CDIN1: variants seen among roughly 807,000 people sequenced by gnomAD.
CDIN1 encodes the protein CDAN1-interacting nuclease 1.
CDIN1 carries 33 observed loss-of-function variants against 45.3 expected under a neutral mutation model. The observed-to-expected ratio is 0.73, with a 90% CI of 0.55 to 0.97. The LOEUF is 0.97. Among genes scored for constraint, CDIN1 ranks in the 50% least tolerant of loss-of-function variants. CDIN1 has a pLI of 0.00. For synonymous variants in CDIN1, 118 were observed against 124.4 expected, an observed-to-expected ratio of 0.95 and a Z score of 0.34; for missense variants, 303 against 339.4, an observed-to-expected ratio of 0.89 and a Z score of 0.84.
At chr15:36,760,993 G>A (rs184810110) in intron 10 of CDIN1, among the ~76,000 whole-genome samples, 24 of 152,192 alleles carry the variant, frequency 1.6e-4, no homozygotes, top group Admixed American at 1.2e-3. Flanking sequence ...CACTCTCATT[G>A]TTACTTTCCT....
rs770446117 is a variant in CDIN1 at position 36,623,213 on chromosome 15, C to T, written c.102-21065C>T. On this transcript the variant is annotated intron_variant, in intron 1 of 10. Transcript: ENST00000566621. ...TGCCAAGGGAAATGTATGTTTTTCC[C>T]GCTGAATTTTTATTTCTTATGTAAA... Among the ~76,000 whole-genome samples the T allele has an allele frequency of 1.8e-4, 28 of 151,692 alleles. 1 individual carries two copies. The highest frequency in any genetic ancestry group is 3.9e-4 in the East Asian group (2 of 5,168).
intron 1 of CDIN1, among the ~76,000 whole-genome samples, chr15:36,584,965 A>G (rs964613864): frequency 1.3e-5 from 2 of 152,154 alleles, no homozygotes; most frequent in African/African-American, 4.8e-5. Context: ...AACATAGGAC[A>G]TACTACATTT....
rs116835348 is a variant in CDIN1, at chr15:36,579,662, C to G, written c.-199C>G. The G allele has an allele frequency of 5.6e-3, 3,022 of 537,800 alleles. 77 individuals are homozygous for G. Among genetic ancestry groups the G allele is most frequent in the African/African-American group, 0.052 (2,722 of 52,414 alleles). The allele number at this position is 537,800 out of a possible 1,614,324, so 33.3% of individuals were successfully genotyped here. A position where few individuals can be genotyped will look rare whatever the true frequency, so the allele number is the denominator to read the frequency against. On this transcript the variant is annotated 5_prime_UTR_variant, in exon 1 of 11. Transcript: ENST00000566621. ...CAGCCAGTCCCCGCCGCGGAGGTGC[C>G]GGTGGAGCCTGGGACCGGGCGAGTC...
At chr15:36,580,179 G>A (rs1302038450) in intron 1 of CDIN1, among the ~76,000 whole-genome samples, 3 of 152,228 alleles carry the variant, frequency 2.0e-5, no homozygotes, top group Admixed American at 6.5e-5. Context: ...CCAAGGCCTT[G>A]CAATTAAATT....
At chr15:36,795,180 A>C (rs184731576) in intron 10 of CDIN1, among the ~76,000 whole-genome samples, 1 of 152,346 alleles carries the variant, frequency 6.6e-6, no homozygotes, top group African/African-American at 2.4e-5. Context: ...TGGTTAATGG[A>C]TACAAACATA....
chr15:36,616,456 A>T (rs1049639688), intron 1 of CDIN1, among the ~76,000 whole-genome samples: 1 of 151,812 alleles, frequency 6.6e-6, no homozygotes, highest in Non-Finnish European at 1.5e-5. Context: ...CTAATTTTGT[A>T]TTTTTAGTAG....
intron 10 of CDIN1, chr15:36,798,766 G>A (rs1353877479): frequency 1.3e-5 from 2 of 152,104 alleles, no homozygotes; most frequent in East Asian, 1.9e-4. Flanking sequence ...AATAATTAAG[G>A]GCTACTTGAA....
At chr15:36,772,980 C>G (rs1706112030) in intron 10 of CDIN1, among the ~76,000 whole-genome samples, 1 of 152,064 alleles carries the variant, frequency 6.6e-6, no homozygotes, top group African/African-American at 2.4e-5. Context: ...CCTCCCTCTC[C>G]TGCATTGTAG....
intron 10 of CDIN1, among the ~76,000 whole-genome samples, chr15:36,724,530 T>G (rs1361781479): frequency 2.6e-5 from 4 of 152,162 alleles, no homozygotes; most frequent in Non-Finnish European, 5.9e-5. Context: ...TTGGGATGTT[T>G]AGAGATGTCC....
intron 10 of CDIN1, among the ~76,000 whole-genome samples, chr15:36,757,768 G>T (rs1202491403): frequency 6.6e-6 from 1 of 152,050 alleles, no homozygotes; most frequent in African/African-American, 2.4e-5. Context: ...CTGACCTACT[G>T]TCAGGAGAGC....
chr15:36,709,267 T>C lies in CDIN1; in HGVS notation c.589T>C (p.Phe197Leu). ...RAKGYDKTPD[F>L]ILQVPVAVEG... Reference sequence around the variant, plus strand: ...AAAGGGTTATGACAAAACACCAGACTTCATTTTACAAGTACCAGTTGGTAA... The same window carrying C: ...AAAGGGTTATGACAAAACACCAGACCTCATTTTACAAGTACCAGTTGGTAA... The change falls in exon 9 of 11, where the codon TTC becomes CTC. Residue 197 changes from phenylalanine to leucine, a missense_variant. Physicochemically the swap from Phe to Leu is conservative, Grantham distance 22. Coordinates refer to ENST00000566621, the MANE Select transcript of CDIN1 (RefSeq NM_001321759.2). 6.2e-7 allele frequency: 1 copy of C among 1,602,360 alleles called. No homozygotes were observed. The highest frequency in any genetic ancestry group is 8.5e-7 in the Non-Finnish European group (1 of 1,173,862).
chr15:36,740,992 A>G (rs745495455), intron 10 of CDIN1, among the ~76,000 whole-genome samples: 10 of 152,156 alleles, frequency 6.6e-5, no homozygotes, highest in Admixed American at 5.9e-4. Flanking sequence ...GCTAAAGTGC[A>G]GTGGCACGAT....
At chr15:36,797,605 A>C (rs1184799437) in intron 10 of CDIN1, among the ~76,000 whole-genome samples, 1 of 152,212 alleles carries the variant, frequency 6.6e-6, no homozygotes. Flanking sequence ...TCCTACCAGC[A>C]ATCCCAGCAA....
chr15:36,756,071 G>A (rs1387772932), intron 10 of CDIN1: 1 of 455,946 alleles, frequency 2.2e-6, no homozygotes, highest in East Asian at 7.0e-5. Context: ...TTCCTATGAG[G>A]ACTGGAGTAG....
chr15:36,665,356 G>A (rs1035120599), intron 5 of CDIN1, among the ~76,000 whole-genome samples: 34 of 152,038 alleles, frequency 2.2e-4, no homozygotes, highest in Non-Finnish European at 4.3e-4. Context: ...CATGATTGTG[G>A]GTACAGCAGA....
intron 1 of CDIN1, chr15:36,618,675 G>C: frequency 1.2e-6 from 1 of 809,142 alleles, no homozygotes. Context: ...CAGATGAGCA[G>C]ACAGAATGCA....
chr15:36,597,656 C>A (rs118117070), intron 1 of CDIN1, among the ~76,000 whole-genome samples: 76 of 152,222 alleles, frequency 5.0e-4, no homozygotes, highest in African/African-American at 1.6e-3. Context: ...TCCTTTCTGA[C>A]GGTGCAGTAT....
chr15:36,785,932 GC>G lies in CDIN1; in HGVS notation c.717-22390del, dbSNP rs1369476334. 6.6e-5 allele frequency among the ~76,000 whole-genome samples: 10 copies of G among 152,098 alleles called. No homozygotes were observed. In the East Asian group the frequency reaches 1.9e-3, roughly 29 times the overall value. ...CTGTAAGAGACATTTCAGAATATTG[GC>G]CACTATTTTGATAATTCTGCCTAAA... On this transcript the variant is annotated intron_variant, in intron 10 of 10. Coordinates refer to ENST00000566621, the MANE Select transcript of CDIN1 (RefSeq NM_001321759.2).
At chr15:36,713,978 A>G (rs991320933) in intron 10 of CDIN1, among the ~76,000 whole-genome samples, 5 of 152,194 alleles carry the variant, frequency 3.3e-5, no homozygotes, top group Non-Finnish European at 5.9e-5. Flanking sequence ...AGAATCTGGC[A>G]TATAGTAGGT....
Sources: allele counts gnomAD v4.1 joint callset (sites outside exome capture counted in the v4.1 genomes callset), GRCh38; gene constraint gnomAD v4.1.1; transcripts MANE v1.5; gene names NCBI Gene and HGNC (gene_info 2026-07-23, HGNC 2026-07-21).